Variants in PPIH observed in about 807,000 individuals in gnomAD.
PPIH encodes peptidyl-prolyl cis-trans isomerase H.
Under a neutral mutation model 27.6 loss-of-function variants are expected in PPIH, and 16 were observed. The ratio of observed to expected loss-of-function variants is 0.58; its 90% CI spans 0.39 to 0.88. The LOEUF (loss-of-function observed/expected upper bound fraction) is 0.88. Among genes scored for constraint, PPIH ranks in the 40% least tolerant of loss-of-function variants. PPIH has a pLI of 0.00. For missense variants in PPIH, 155 were observed against 224.1 expected, an observed-to-expected ratio of 0.69 and a Z score of 1.97; for synonymous variants, 63 against 76.1, an observed-to-expected ratio of 0.83 and a Z score of 0.90.
rs1023351349 is a variant in PPIH at position 42,665,975 on chromosome 1, A to G, written c.337-5A>G. 5 of 1,613,768 alleles carry G rather than the reference A, an allele frequency of 3.1e-6. No individual in the cohort carries two copies. The highest frequency in any genetic ancestry group is 4.2e-6 in the Non-Finnish European group (5 of 1,179,748). On this transcript the variant is annotated splice_polypyrimidine_tract_variant and splice_region_variant and intron_variant, in intron 6 of 9. Coordinates refer to ENST00000304979, the MANE Select transcript of PPIH (RefSeq NM_006347.4). ...CTTACTGCAGGTATATTTGGTTTCC[A>G]TCAGGCGAACAGTGGTCCAAGTACA...
At chr1:42,671,860 C>T (rs888442361) in intron 9 of PPIH, among the ~76,000 whole-genome samples, 8 of 150,770 alleles carry the variant, frequency 5.3e-5, no homozygotes, top group African/African-American at 2.0e-4. Context: ...ATTTTTAAGC[C>T]CTATTGGGCA....
downstream of PPIH, among the ~76,000 whole-genome samples, chr1:42,678,022 T>C (rs962750010): frequency 4.6e-5 from 7 of 152,208 alleles, no homozygotes; most frequent in African/African-American, 1.7e-4. Context: ...GTTGTTTCAG[T>C]GTATCAGATG....
chr1:42,676,349 TC>T (rs1436502785), intron 9 of PPIH, among the ~76,000 whole-genome samples: 2 of 151,986 alleles, frequency 1.3e-5, no homozygotes, highest in Non-Finnish European at 2.9e-5. Context: ...GCGCCTGTAT[TC>T]CCAGCTACTC....
At position 42,664,739 on chromosome 1, in the gene PPIH, A is replaced by C. The variant is rs1649238144; in HGVS notation, c.244-124A>C. 8 of 728,480 alleles carry C rather than the reference A, an allele frequency of 1.1e-5. No individual in the cohort carries two copies. In the South Asian group the frequency reaches 1.4e-4, roughly 13 times the overall value. The allele number at this position is 728,480 out of a possible 1,614,324, so 45.1% of individuals were successfully genotyped here. A position where few individuals can be genotyped will look rare whatever the true frequency, so the allele number is the denominator to read the frequency against. ...TGGGGTCAAATAGGTGCAGCTTCCAAGATGACCAACAAGAGTAAGAGTAGA... is the reference window on the plus strand; with the variant it reads ...TGGGGTCAAATAGGTGCAGCTTCCACGATGACCAACAAGAGTAAGAGTAGA... On this transcript the variant is annotated intron_variant, in intron 5 of 9. Transcript: ENST00000304979.
chr1:42,660,425 T>G (rs909326810), intron 4 of PPIH, among the ~76,000 whole-genome samples: 10 of 152,250 alleles, frequency 6.6e-5, no homozygotes, highest in African/African-American at 2.2e-4. Context: ...CTTCAGGTTT[T>G]TTTTGTTTTG....
At chr1:42,662,781 A>G (rs780546813) in intron 5 of PPIH, among the ~76,000 whole-genome samples, 2 of 152,164 alleles carry the variant, frequency 1.3e-5, no homozygotes, top group Non-Finnish European at 2.9e-5. Flanking sequence ...CTCACAATAT[A>G]CTATTGGCAT....
At chr1:42,667,044 G>T (rs1434875673) in intron 8 of PPIH, among the ~76,000 whole-genome samples, 1 of 152,020 alleles carries the variant, frequency 6.6e-6, no homozygotes, top group Non-Finnish European at 1.5e-5. Context: ...ATCCTTCTAG[G>T]CACAGTTCAA....
intron 5 of PPIH, among the ~76,000 whole-genome samples, chr1:42,661,852 T>G (rs540610490): frequency 7.2e-6 from 1 of 139,202 alleles, no homozygotes; most frequent in Non-Finnish European, 1.6e-5. Flanking sequence ...AAATCCTAGT[T>G]TTTTTTTCTC....
At chr1:42,678,614 T>G (rs1649953712), downstream of PPIH, 1 of 152,300 alleles carries the variant, frequency 6.6e-6, no homozygotes, top group African/African-American at 2.4e-5. Context: ...TTAGCCAGGA[T>G]GGTCTCGATA....
chr1:42,658,510 C>A lies in PPIH; in HGVS notation c.64C>A (p.Gln22Lys). The A allele has an allele frequency of 6.2e-7, 1 of 1,613,818 alleles. No individual in the cohort carries two copies. Among genetic ancestry groups the A allele is most frequent in the South Asian group, 1.1e-5 (1 of 91,052 alleles). ...VVFFDVSIGG[Q>K]EVGRMKIELF... is the part of the protein sequence containing the mutation. ...GTTCTTTGATGTCAGTATTGGCGGT[C>A]AGGTGAGATCCAGGAGGCTGCCCAC... Residue 22 changes from glutamine (Q) to lysine (K), a missense_variant and splice_region_variant, in exon 1 of 10, where the codon CAG (glutamine) becomes AAG (lysine). By Grantham distance (53) the Gln-to-Lys change is moderately conservative. This residue lies in a region of PPIH where 59 missense variants were observed against 48.8 expected (regional missense o/e 1.21). Coordinates refer to ENST00000304979, the MANE Select transcript of PPIH (RefSeq NM_006347.4).
intron 6 of PPIH, 48 bp downstream of exon 6, chr1:42,665,003 G>A (rs1020284519): frequency 6.5e-7 from 1 of 1,532,902 alleles, no homozygotes; most frequent in Middle Eastern, 1.7e-4. Flanking sequence ...GCTGGTTCCT[G>A]GGCCCCTCTT....
chr1:42,660,283 G>T (rs1293314144), intron 4 of PPIH, among the ~76,000 whole-genome samples: 1 of 152,108 alleles, frequency 6.6e-6, no homozygotes, highest in East Asian at 1.9e-4. Flanking sequence ...TAAGCTTTCA[G>T]CCCCTTCTTC....
chr1:42,659,919 C>T (rs1013399535), intron 4 of PPIH, among the ~76,000 whole-genome samples: 2 of 152,080 alleles, frequency 1.3e-5, no homozygotes, highest in Admixed American at 6.5e-5. Flanking sequence ...TATGATTGTC[C>T]AAGGATAATC....
intron 7 of PPIH, 83 bp downstream of exon 7, chr1:42,666,150 C>T (rs924780028): frequency 7.7e-7 from 1 of 1,302,350 alleles, no homozygotes; most frequent in Non-Finnish European, 1.1e-6. Flanking sequence ...AAACTCTTAC[C>T]AAGAAAGCTC....
chr1:42,680,055 T>C (rs147967660), downstream of PPIH, among the ~76,000 whole-genome samples: 115 of 152,336 alleles, frequency 7.5e-4, 1 homozygote, highest in African/African-American at 2.7e-3. Context: ...ATTAGAGCAA[T>C]ACAGTGTGTT....
chr1:42,673,126 G>A (rs999181126), intron 9 of PPIH, among the ~76,000 whole-genome samples: 1 of 151,966 alleles, frequency 6.6e-6, no homozygotes, highest in African/African-American at 2.4e-5. Flanking sequence ...TCCTTAGTAG[G>A]TGGGATTATA....
chr1:42,665,253 A>C (rs965826181), intron 6 of PPIH, among the ~76,000 whole-genome samples: 2 of 152,046 alleles, frequency 1.3e-5, no homozygotes, highest in East Asian at 1.9e-4. Flanking sequence ...AAAATACAAA[A>C]AATTAGCCAG....
At chr1:42,671,463 A>T (rs1253524956) in intron 9 of PPIH, among the ~76,000 whole-genome samples, 1 of 152,182 alleles carries the variant, frequency 6.6e-6, no homozygotes, top group African/African-American at 2.4e-5. Flanking sequence ...TAATAAATGT[A>T]AAGAGCCAGT....
intron 9 of PPIH, among the ~76,000 whole-genome samples, chr1:42,676,310 A>G (rs1281929838): frequency 6.6e-6 from 1 of 152,082 alleles, no homozygotes; most frequent in African/African-American, 2.4e-5. Flanking sequence ...TCTACTAAAA[A>G]TACAAAAATT....
Sources: gnomAD v4.1 joint callset for allele counts (sites outside exome capture counted in the v4.1 genomes callset) on GRCh38, gnomAD v4.1.1 for gene constraint, gnomAD v4.1.1 regional missense constraint, MANE v1.5 for transcripts, NCBI Gene and HGNC (gene_info 2026-07-23, HGNC 2026-07-21) for gene names.